Variants in PKP2 observed in about 807,000 individuals in gnomAD.
PKP2 encodes the protein plakophilin-2.
A neutral mutation model predicts 83.4 loss-of-function variants in PKP2; 73 were observed. The observed-to-expected ratio is 0.88, with a 90% CI of 0.72 to 1.06. PKP2 has a LOEUF of 1.06. PKP2 is among the 50% of genes least tolerant of loss of function. PKP2 has a pLI of 0.00. For synonymous variants in PKP2, 409 were observed against 430.4 expected, an observed-to-expected ratio of 0.95 and a Z score of 0.62; for missense variants, 966 against 1,065.4, an observed-to-expected ratio of 0.91 and a Z score of 1.30.
At chr12:32,855,773 C>CAAAAAAAAAAAAAAAAAAA (rs11431590) in intron 4 of PKP2, among the ~76,000 whole-genome samples, 15 of 46,830 alleles carry the variant, frequency 3.2e-4, no homozygotes, top group African/African-American at 1.4e-3. Flanking sequence ...GACTCCATCT[C>CAAAAAAAAAAAAAAAAAAA]AAAAAAAAAA....
intron 3 of PKP2, among the ~76,000 whole-genome samples, chr12:32,874,223 A>G (rs1334873704): frequency 6.6e-6 from 1 of 152,136 alleles, no homozygotes; most frequent in African/African-American, 2.4e-5. Context: ...AATCCCCCCC[A>G]AAAAAGGGCT....
chr12:32,839,568 A>T lies in PKP2; in HGVS notation c.1556+1460T>A, dbSNP rs545924333. Among the ~76,000 whole-genome samples, 594 of 152,072 alleles carry T rather than the reference A, an allele frequency of 3.9e-3. 3 individuals are homozygous for T. The highest frequency in any genetic ancestry group is 0.014 in the African/African-American group (572 of 41,490). ...TCTGTCCCAAAAAGGGAATACGGTCATGGTTCCTGGTATACTTCCTTCACT... is the reference window on the plus strand; with the variant it reads ...TCTGTCCCAAAAAGGGAATACGGTCTTGGTTCCTGGTATACTTCCTTCACT... On this transcript the variant is annotated intron_variant, in intron 6 of 12. Transcript: ENST00000340811.
chr12:32,848,444 A>G (rs895727199), intron 5 of PKP2, among the ~76,000 whole-genome samples: 3 of 152,084 alleles, frequency 2.0e-5, no homozygotes, highest in Admixed American at 2.0e-4. Context: ...AAGAGAATAG[A>G]GAGAGTAGCA....
rs920017662 is a variant in PKP2, at chr12:32,896,578, T to C, written c.154A>G (p.Lys52Glu). Residue 52 changes from lysine (K) to glutamate (E), a missense_variant, in exon 1 of 13, where the codon AAG becomes GAG. Physicochemically the swap from Lys to Glu is moderately conservative, Grantham distance 56. Coordinates refer to ENST00000340811, the MANE Select transcript of PKP2 (RefSeq NM_001005242.3). ...ACCTGCTCCTGGATCCGCAGGCTCT[T>C]GACTGTCTGGCCGCCGCGGCCGCTG... Reference protein sequence around the residue: ...GSSGRGGQTVKSLRIQEQVQQ... With the variant: ...GSSGRGGQTVESLRIQEQVQQ... The C allele has an allele frequency of 1.3e-6, 2 of 1,590,448 alleles. No individual in the cohort carries two copies. The highest frequency in any genetic ancestry group is 1.3e-5 in the African/African-American group (1 of 74,160).
At chr12:32,840,692 C>A (rs1291044547) in intron 6 of PKP2, among the ~76,000 whole-genome samples, 1 of 152,108 alleles carries the variant, frequency 6.6e-6, no homozygotes, top group Non-Finnish European at 1.5e-5. Context: ...GTGTGATTAA[C>A]TATGGAGATA....
chr12:32,866,984 A>T (rs530336893), intron 4 of PKP2, among the ~76,000 whole-genome samples: 3 of 152,220 alleles, frequency 2.0e-5, no homozygotes, highest in Admixed American at 6.5e-5. Flanking sequence ...CTTATATTCT[A>T]TATGATTCCA....
intron 6 of PKP2, among the ~76,000 whole-genome samples, chr12:32,833,922 T>C (rs1006596778): frequency 1.3e-5 from 2 of 152,206 alleles, no homozygotes; most frequent in African/African-American, 2.4e-5. Context: ...CAAGAAACTA[T>C]AGTAACTCAG....
chr12:32,873,479 CT>C (rs1956910153), intron 3 of PKP2, among the ~76,000 whole-genome samples: 1 of 152,130 alleles, frequency 6.6e-6, no homozygotes, highest in African/African-American at 2.4e-5. Flanking sequence ...CTATTTTTCA[CT>C]GCTCCTCTCC....
At chr12:32,885,667 C>G (rs542178820) in intron 1 of PKP2, among the ~76,000 whole-genome samples, 3 of 150,908 alleles carry the variant, frequency 2.0e-5, no homozygotes, top group Admixed American at 6.6e-5. Context: ...CCGTCCCCCC[C>G]CCAAAAAAAA....
intron 4 of PKP2, among the ~76,000 whole-genome samples, chr12:32,851,874 T>G (rs989282529): frequency 2.2e-5 from 3 of 133,988 alleles, no homozygotes; most frequent in African/African-American, 4.1e-5. Flanking sequence ...TTTAAATGTG[T>G]TATTTAAAAA....
chr12:32,848,714 C>T (rs979438441), intron 5 of PKP2, among the ~76,000 whole-genome samples: 1 of 152,082 alleles, frequency 6.6e-6, no homozygotes, highest in African/African-American at 2.4e-5. Flanking sequence ...ACCTGGGTGA[C>T]AGGACCATTC....
chr12:32,859,008 G>A (rs1312356376), intron 4 of PKP2, among the ~76,000 whole-genome samples: 1 of 152,150 alleles, frequency 6.6e-6, no homozygotes, highest in African/African-American at 2.4e-5. Context: ...ATCAAAGCTG[G>A]TAGGTTACTC....
intron 9 of PKP2, among the ~76,000 whole-genome samples, chr12:32,812,996 A>T (rs1409762375): frequency 6.6e-6 from 1 of 152,168 alleles, no homozygotes; most frequent in African/African-American, 2.4e-5. Flanking sequence ...TGAAGAAGAG[A>T]ATTTTATTTT....
intron 1 of PKP2, among the ~76,000 whole-genome samples, chr12:32,879,702 C>G (rs1423959615): frequency 1.3e-5 from 2 of 151,810 alleles, no homozygotes; most frequent in Non-Finnish European, 2.9e-5. Context: ...TGGTGGCAGG[C>G]ACCTGTAATC....
chr12:32,883,279 C>A (rs763425440), intron 1 of PKP2, among the ~76,000 whole-genome samples: 4 of 152,330 alleles, frequency 2.6e-5, no homozygotes, highest in Middle Eastern at 3.4e-3. Flanking sequence ...TCTCAAACAA[C>A]AAATACTGCA....
At chr12:32,801,124 T>C (rs1369868890) in intron 10 of PKP2, among the ~76,000 whole-genome samples, 4 of 152,252 alleles carry the variant, frequency 2.6e-5, no homozygotes, top group Non-Finnish European at 5.9e-5. Flanking sequence ...TTCTCTGTTA[T>C]CCTTAAAGTG....
At chr12:32,878,584 A>G (rs942927612) in intron 2 of PKP2, 41 bp from the exon 3 acceptor site, 1 of 1,510,432 alleles carries the variant, frequency 6.6e-7, no homozygotes, top group Non-Finnish European at 9.1e-7. Context: ...GGCATAAATC[A>G]AATTTCAACT....
At chr12:32,826,973 A>G (rs1308993029) in intron 6 of PKP2, among the ~76,000 whole-genome samples, 2 of 152,202 alleles carry the variant, frequency 1.3e-5, no homozygotes, top group Non-Finnish European at 2.9e-5. Context: ...CAAATACCAT[A>G]TGTCCCCAAC....
At chr12:32,842,166 C>G (rs1956599293) in intron 5 of PKP2, among the ~76,000 whole-genome samples, 2 of 152,142 alleles carry the variant, frequency 1.3e-5, no homozygotes, top group Non-Finnish European at 2.9e-5. Flanking sequence ...CCTTCTGATT[C>G]AGTGGAAGGA....
Sources: allele counts gnomAD v4.1 joint callset (sites outside exome capture counted in the v4.1 genomes callset), GRCh38; gene constraint gnomAD v4.1.1; transcripts MANE v1.5; gene names NCBI Gene and HGNC (gene_info 2026-07-23, HGNC 2026-07-21).